Variants in GRIK4 observed in about 807,000 individuals in gnomAD.
GRIK4 encodes the protein glutamate ionotropic receptor kainate type subunit 4, also known as glutamate receptor ionotropic, kainate 4.
In GRIK4, 40 loss-of-function variants were observed where a neutral mutation model predicts 104.9. The ratio of observed to expected loss-of-function variants is 0.38; its 90% confidence interval spans 0.30 to 0.50. The LOEUF (loss-of-function observed/expected upper bound fraction) is 0.50, where lower values mean the gene tolerates loss of function less well. GRIK4 is among the 20% of genes least tolerant of loss of function. GRIK4 has a pLI of 0.93. For synonymous variants in GRIK4, 485 were observed against 524.9 expected (o/e 0.92, Z 1.04); for missense variants, 1,047 against 1,308.1 (o/e 0.80, Z 3.08).
chr11:120,784,227 C>T (rs1236347216), intron 3 of GRIK4, among the ~76,000 whole-genome samples: 2 of 152,138 alleles, frequency 1.3e-5, no homozygotes, highest in East Asian at 1.9e-4. Context: ...ACTCGGAACC[C>T]CCGTGTCCTC....
intron 4 of GRIK4, among the ~76,000 whole-genome samples, chr11:120,814,432 G>A (rs955876317): frequency 4.6e-5 from 7 of 151,870 alleles, no homozygotes; most frequent in African/African-American, 1.7e-4. Context: ...AAACCCCGTC[G>A]CTACTAAAAA....
intron 13 of GRIK4, among the ~76,000 whole-genome samples, chr11:120,924,528 C>T (rs1460974960): frequency 1.3e-5 from 2 of 151,962 alleles, no homozygotes; most frequent in Admixed American, 6.6e-5. Flanking sequence ...AATCACTGTC[C>T]GGATCAAGAA....
intron 1 of GRIK4, among the ~76,000 whole-genome samples, chr11:120,523,932 T>A (rs1199966528): frequency 6.6e-6 from 1 of 151,622 alleles, no homozygotes; most frequent in African/African-American, 2.4e-5. Context: ...CATTCTTTTT[T>A]TTTTTTTTTT....
Position 120,513,152 on chromosome 11 carries a change from C to A in GRIK4, c.-159+1265C>A, listed in dbSNP as rs1299739531. 6.6e-6 allele frequency among the ~76,000 whole-genome samples: 1 copy of A among 152,170 alleles called. No homozygotes were observed. Among genetic ancestry groups the A allele is most frequent in the African/African-American group, 2.4e-5 (1 of 41,440 alleles). ...TCTGAGCACAGCTGGGCCCTTTTGC[C>A]AGGCAGTGGGCAGCTGTCAAGACCA... On this transcript the variant is annotated intron_variant, in intron 1 of 20. Transcript: ENST00000527524. This position sits in a 1 kb window ranked among gnomAD's most constrained non-coding sequence, Gnocchi z 4.5.
At chr11:120,610,073 C>T (rs1441818441) in intron 1 of GRIK4, among the ~76,000 whole-genome samples, 1 of 152,166 alleles carries the variant, frequency 6.6e-6, no homozygotes, top group African/African-American at 2.4e-5. Flanking sequence ...TCCCCATCTG[C>T]CTTCTCCTGT....
At chr11:120,855,620 A>G (rs1412927062) in intron 8 of GRIK4, among the ~76,000 whole-genome samples, 2 of 149,522 alleles carry the variant, frequency 1.3e-5, no homozygotes, top group Non-Finnish European at 3.0e-5. Context: ...GTGCAGTGGC[A>G]CCATCTTGGC....
intron 8 of GRIK4, chr11:120,859,072 G>A (rs1954193491): frequency 6.6e-6 from 1 of 152,188 alleles, no homozygotes; most frequent in Non-Finnish European, 1.5e-5. Flanking sequence ...AAGACAGACT[G>A]GCTGACTTCT....
At chr11:120,622,291 G>A (rs1046940938) in intron 1 of GRIK4, among the ~76,000 whole-genome samples, 8 of 152,072 alleles carry the variant, frequency 5.3e-5, no homozygotes, top group South Asian at 4.2e-4. Flanking sequence ...CATGAACTAG[G>A]TACTATTACT....
At position 120,530,733 on chromosome 11, in the gene GRIK4, G is replaced by T. The variant is rs138683627; in HGVS notation, c.-159+18846G>T. ...AGGCCTAAGAAGGTTCTAAGTCTCT[G>T]AAAAACCAAGGGGCCTGCTACAGGT... is the stretch of plus-strand genomic sequence containing the variant. On this transcript the variant is annotated intron_variant, in intron 1 of 20. Transcript: ENST00000527524. Among the ~76,000 whole-genome samples the T allele has an allele frequency of 3.9e-5, 6 of 152,274 alleles. No homozygotes were observed. In the East Asian group the frequency reaches 9.7e-4, roughly 25 times the overall value.
intron 1 of GRIK4, among the ~76,000 whole-genome samples, chr11:120,519,628 A>G (rs1947772043): frequency 6.6e-6 from 1 of 152,216 alleles, no homozygotes; most frequent in Non-Finnish European, 1.5e-5. Context: ...CCTTAAGTTT[A>G]TTATACCCAT....
chr11:120,515,474 C>G (rs983873789), intron 1 of GRIK4, among the ~76,000 whole-genome samples: 1 of 152,198 alleles, frequency 6.6e-6, no homozygotes, highest in African/African-American at 2.4e-5. Context: ...GTGAAGGGCA[C>G]CTGCATGGGT....
intron 13 of GRIK4, among the ~76,000 whole-genome samples, chr11:120,935,167 G>C (rs1943569606): frequency 6.6e-6 from 1 of 152,220 alleles, no homozygotes; most frequent in Admixed American, 6.5e-5. Flanking sequence ...GGAGCTTAGA[G>C]AGCCTCTGCT....
chr11:120,742,086 C>A (rs747221589), intron 3 of GRIK4, among the ~76,000 whole-genome samples: 9 of 152,164 alleles, frequency 5.9e-5, no homozygotes, highest in Non-Finnish European at 1.2e-4. Context: ...TGGCTCATGC[C>A]TGTAATCCCA....
At chr11:120,829,225 C>A (rs1276841588) in intron 6 of GRIK4, among the ~76,000 whole-genome samples, 2 of 152,152 alleles carry the variant, frequency 1.3e-5, no homozygotes, top group African/African-American at 4.8e-5. Flanking sequence ...GCACCAGCTC[C>A]GTGGCCTCCC....
At chr11:120,593,754 C>A (rs892794456) in intron 1 of GRIK4, among the ~76,000 whole-genome samples, 2 of 152,196 alleles carry the variant, frequency 1.3e-5, no homozygotes, top group Non-Finnish European at 2.9e-5. Flanking sequence ...CTCCATATAT[C>A]CTAAACATGG....
At chr11:120,719,950 C>CT (rs1270283611) in intron 3 of GRIK4, among the ~76,000 whole-genome samples, 1 of 151,560 alleles carries the variant, frequency 6.6e-6, no homozygotes, top group African/African-American at 2.4e-5. Context: ...TGTTAGGAAC[C>CT]TTTGTTCCCT....
At chr11:120,806,700 C>T (rs1952719709) in intron 4 of GRIK4, among the ~76,000 whole-genome samples, 1 of 152,340 alleles carries the variant, frequency 6.6e-6, no homozygotes, top group East Asian at 1.9e-4. Flanking sequence ...GTCCACATCA[C>T]ACTTAATGAA....
chr11:120,535,977 T>C (rs1392730151), intron 1 of GRIK4, among the ~76,000 whole-genome samples: 2 of 152,206 alleles, frequency 1.3e-5, no homozygotes, highest in African/African-American at 4.8e-5. Context: ...ATGTATCTCA[T>C]GCTGGGCTCA....
rs1365736091 is a variant in GRIK4 at position 120,986,803 on chromosome 11, T to C, written c.*543T>C. On this transcript the variant is annotated 3_prime_UTR_variant, in exon 21 of 21. Transcript: ENST00000527524. Reference sequence around the variant, plus strand: ...TCCTGTTAATTTGTTTTGTGTTTTTTGGAGGGGGAGGCTGGGTTAGGGAAT... The same window carrying C: ...TCCTGTTAATTTGTTTTGTGTTTTTCGGAGGGGGAGGCTGGGTTAGGGAAT... 1 of 152,252 alleles carries C rather than the reference T, an allele frequency of 6.6e-6. No individual in the cohort carries two copies. The highest frequency in any genetic ancestry group is 1.5e-5 in the Non-Finnish European group (1 of 68,070). The allele number at this position is 152,252 out of a possible 1,614,324, so 9.4% of individuals were successfully genotyped here.
Sources: gnomAD v4.1 joint callset for allele counts (sites outside exome capture counted in the v4.1 genomes callset) on GRCh38, gnomAD v4.1.1 for gene constraint, Gnocchi (gnomAD v3.1) non-coding constraint, MANE v1.5 for transcripts, NCBI Gene and HGNC (gene_info 2026-07-23, HGNC 2026-07-21) for gene names.